ASAP3: variants seen among roughly 807,000 people sequenced by gnomAD.
ASAP3 encodes the protein ArfGAP with SH3 domain, ankyrin repeat and PH domain 3.
ASAP3 carries 85 observed loss-of-function variants against 118.2 expected under a neutral mutation model. The ratio of observed to expected loss-of-function variants is 0.72; its 90% CI spans 0.60 to 0.86. The LOEUF (loss-of-function observed/expected upper bound fraction) is 0.86. Among genes scored for constraint, ASAP3 ranks in the 40% least tolerant of loss-of-function variants. The pLI is 0.00. For synonymous variants in ASAP3, 432 were observed against 477.4 expected (o/e 0.90, Z 1.24); for missense variants, 1,026 against 1,175.0 (o/e 0.87, Z 1.85).
At chr1:23,434,190 TC>T in intron 19 of ASAP3, 63 bp downstream of exon 19, 1 of 1,512,320 alleles carries the variant, frequency 6.6e-7, no homozygotes, top group African/African-American at 1.4e-5. Context: ...CCCGAGACCA[TC>T]GGAAGTCCAC....
chr1:23,455,506 G>A (rs1052403230), intron 3 of ASAP3, among the ~76,000 whole-genome samples: 1 of 152,166 alleles, frequency 6.6e-6, no homozygotes, highest in African/African-American at 2.4e-5. Flanking sequence ...GGAGGAGGCG[G>A]TGGCAGCGGT....
Position 23,438,912 on chromosome 1 carries a change from G to A in ASAP3, c.1015-78C>T, listed in dbSNP as rs1430872874. On this transcript the variant is annotated intron_variant, in intron 11 of 24. Coordinates refer to ENST00000336689, the MANE Select transcript of ASAP3 (RefSeq NM_017707.4). The surrounding 1 kb of genome is among the most constrained non-coding windows in gnomAD (Gnocchi z 4.9). ...TCTTTAGGCCTCCATTTCCCACTCT[G>A]TTAAATGGGCATAATCATCCTGTTC... The A allele has an allele frequency of 1.5e-5, 21 of 1,407,120 alleles. No individual in the cohort carries two copies. Among genetic ancestry groups the A allele is most frequent in the Non-Finnish European group, 1.9e-5 (19 of 996,972 alleles). The allele number at this position is 1,407,120 out of a possible 1,614,324, so 87.2% of individuals were successfully genotyped here. A position where few individuals can be genotyped will look rare whatever the true frequency, so the allele number is the denominator to read the frequency against.
intron 17 of ASAP3, among the ~76,000 whole-genome samples, chr1:23,435,006 T>C (rs1385884921): frequency 1.3e-5 from 2 of 152,118 alleles, no homozygotes; most frequent in Non-Finnish European, 2.9e-5. Context: ...CACCAAGATA[T>C]CAGACAGACA....
upstream of ASAP3, chr1:23,484,440 C>A (rs1642445986): frequency 2.9e-5 from 6 of 209,308 alleles, no homozygotes; most frequent in Non-Finnish European, 5.7e-5. Context: ...CCCTCACCGC[C>A]TCAGACCCCG....
chr1:23,430,991 G>A (rs780933619), intron 24 of ASAP3, 44 bp downstream of exon 24: 2 of 1,482,560 alleles, frequency 1.3e-6, no homozygotes, highest in East Asian at 2.5e-5. Context: ...TGCCTCCCAG[G>A]CACCCTGCCA....
At chr1:23,453,074 A>T (rs971842562) in intron 3 of ASAP3, among the ~76,000 whole-genome samples, 4 of 152,008 alleles carry the variant, frequency 2.6e-5, no homozygotes, top group African/African-American at 9.7e-5. Flanking sequence ...TGTCAGAGTG[A>T]GCCCCTTCCC....
intron 1 of ASAP3, among the ~76,000 whole-genome samples, chr1:23,466,799 CT>C (rs749187929): frequency 6.6e-6 from 1 of 152,182 alleles, no homozygotes; most frequent in Non-Finnish European, 1.5e-5. Context: ...ACATTCATTC[CT>C]TTGGACCATT....
At chr1:23,474,436 T>A (rs983661325) in intron 1 of ASAP3, among the ~76,000 whole-genome samples, 1 of 152,018 alleles carries the variant, frequency 6.6e-6, no homozygotes, top group Non-Finnish European at 1.5e-5. Context: ...TTTCCTTCCT[T>A]CCCCACTGAC....
At chr1:23,468,960 A>C (rs1336553274) in intron 1 of ASAP3, among the ~76,000 whole-genome samples, 2 of 151,660 alleles carry the variant, frequency 1.3e-5, no homozygotes, top group African/African-American at 4.8e-5. Context: ...GTACAAAAAA[A>C]AAAACAAAAA....
Position 23,436,825 on chromosome 1 carries a change from A to G in ASAP3, c.1476+86T>C. 2 of 1,297,720 alleles carry G rather than the reference A, an allele frequency of 1.5e-6. No homozygotes were observed. The highest frequency in any genetic ancestry group is 1.0e-6 in the Non-Finnish European group (1 of 993,184). The allele number at this position is 1,297,720 out of a possible 1,614,324, so 80.4% of individuals were successfully genotyped here. A position where few individuals can be genotyped will look rare whatever the true frequency, so the allele number is the denominator to read the frequency against. On this transcript the variant is annotated intron_variant, in intron 15 of 24. Transcript: ENST00000336689. The surrounding 1 kb of genome is among the most constrained non-coding windows in gnomAD (Gnocchi z 4.2). ...TCCCAGCCCACCTCGGCCAGGTCCC[A>G]CCCACAACCTGCAAGCCCCGCCCCC... is the stretch of plus-strand genomic sequence containing the variant.
In ASAP3 at chr1:23,456,031, G is replaced by A. The variant is rs1165066716; in HGVS notation, c.203-5C>T. 2 of 1,614,126 alleles carry A rather than the reference G, an allele frequency of 1.2e-6. No homozygotes were observed. The highest frequency in any genetic ancestry group is 1.7e-6 in the Non-Finnish European group (2 of 1,179,980). ...GCTCTTCATTCTCCACATGGCCTGTGGAGGTACAGACGGGAGCTTGGAGTT... is the reference window on the plus strand; with the variant it reads ...GCTCTTCATTCTCCACATGGCCTGTAGAGGTACAGACGGGAGCTTGGAGTT... On this transcript the variant is annotated splice_polypyrimidine_tract_variant and splice_region_variant and intron_variant, in intron 2 of 24. Coordinates refer to ENST00000336689, the MANE Select transcript of ASAP3 (RefSeq NM_017707.4).
Position 23,434,556 on chromosome 1 carries a change from C to G in ASAP3, c.1812G>C (p.Leu604=), listed in dbSNP as rs1640564982. The G allele has an allele frequency of 4.3e-6, 7 of 1,613,984 alleles. No homozygotes were observed. Among genetic ancestry groups the G allele is most frequent in the Non-Finnish European group, 5.9e-6 (7 of 1,180,028 alleles). The change falls in exon 18 of 25, where the codon CTG becomes CTC. Residue 604 remains leucine, a synonymous_variant. Transcript: ENST00000336689. ...VKVANQASLP[L]VDFIIQNGGH... is the part of the protein sequence containing the mutation. ...ACCCGTTCTGGATGATGAAATCCAC[C>G]AGAGGCAGGGAAGCCTGGTTGGCGA...
Position 23,438,171 on chromosome 1 carries a change from C to G in ASAP3, c.1102+576G>C, listed in dbSNP as rs1640743122. Among the ~76,000 whole-genome samples the G allele has an allele frequency of 6.6e-6, 1 of 152,170 alleles. No homozygotes were observed. Among genetic ancestry groups the G allele is most frequent in the South Asian group, 2.1e-4 (1 of 4,826 alleles). On this transcript the variant is annotated intron_variant, in intron 12 of 24. Transcript: ENST00000336689. This position sits in a 1 kb window ranked among gnomAD's most constrained non-coding sequence, Gnocchi z 4.9. ...TCAAGGCTAAACTCAAATACTGTCT[C>G]CTCCAGGAGCCTTTCCTGATTCCCC...
chr1:23,451,423 C>T (rs757897372), intron 5 of ASAP3, 56 bp downstream of exon 5: 25 of 1,563,118 alleles, frequency 1.6e-5, no homozygotes, highest in Non-Finnish European at 2.1e-5. Context: ...AGGTTCTTCC[C>T]TATCCAGCCT....
At chr1:23,429,988 C>A in intron 24 of ASAP3, 58 bp from the exon 25 acceptor site, 1 of 1,380,216 alleles carries the variant, frequency 7.2e-7, no homozygotes, top group South Asian at 1.2e-5. Context: ...ACCAGGTGTT[C>A]ATCTCACTCA....
chr1:23,469,541 G>C (rs12043794), intron 1 of ASAP3, among the ~76,000 whole-genome samples: 1 of 152,152 alleles, frequency 6.6e-6, no homozygotes, highest in Non-Finnish European at 1.5e-5. Context: ...TTGTCCCCCA[G>C]GCATGACAGG....
chr1:23,472,790 A>G (rs748081972), intron 1 of ASAP3, among the ~76,000 whole-genome samples: 48 of 152,206 alleles, frequency 3.2e-4, no homozygotes, highest in South Asian at 4.1e-4. Flanking sequence ...AGTACCTGTT[A>G]CGTGCTAGGT....
chr1:23,429,745 G>A lies in ASAP3; in HGVS notation c.*111C>T. 9.0e-7 allele frequency: 1 copy of A among 1,109,316 alleles called. No individual in the cohort carries two copies. The highest frequency in any genetic ancestry group is 1.3e-6 in the Non-Finnish European group (1 of 772,826). 68.7% of individuals were successfully genotyped at this position (1,109,316 alleles called of 1,614,324 possible). ...GCCAGCTACAGAGGCACAAGGGACAGAGAGAGTGAGATCCAAGAGAACAAA... is the reference window on the plus strand; with the variant it reads ...GCCAGCTACAGAGGCACAAGGGACAAAGAGAGTGAGATCCAAGAGAACAAA... On this transcript the variant is annotated 3_prime_UTR_variant, in exon 25 of 25. Coordinates refer to ENST00000336689, the MANE Select transcript of ASAP3 (RefSeq NM_017707.4).
chr1:23,457,997 C>T (rs1641443175), intron 1 of ASAP3, among the ~76,000 whole-genome samples: 1 of 152,220 alleles, frequency 6.6e-6, no homozygotes, highest in Admixed American at 6.5e-5. Flanking sequence ...TCATCAGCTG[C>T]TGCTGATGCT....
Sources: gnomAD v4.1 joint callset for allele counts (sites outside exome capture counted in the v4.1 genomes callset) on GRCh38, gnomAD v4.1.1 for gene constraint, Gnocchi (gnomAD v3.1) non-coding constraint, MANE v1.5 for transcripts, NCBI Gene and HGNC (gene_info 2026-07-23, HGNC 2026-07-21) for gene names.